Variants in STOX1 observed in about 807,000 individuals in gnomAD.
STOX1 encodes storkhead-box protein 1.
STOX1 carries 57 observed loss-of-function variants against 74.8 expected under a neutral mutation model. The observed-to-expected ratio is 0.76, with a 90% CI of 0.62 to 0.95. The LOEUF is 0.95. Among genes scored for constraint, STOX1 ranks in the 40% least tolerant of loss-of-function variants. The pLI, the probability that STOX1 is intolerant of heterozygous loss-of-function variation, is 0.00. For synonymous variants in STOX1, 375 were observed against 401.3 expected (o/e 0.93, Z 0.78); for missense variants, 1,010 against 1,117.0 (o/e 0.90, Z 1.37).
Position 68,885,041 on chromosome 10 carries a change from G to T in STOX1, c.1245G>T (p.Arg415Ser). 6.2e-7 allele frequency: 1 copy of T among 1,614,154 alleles called. No individual in the cohort carries two copies. Among genetic ancestry groups the T allele is most frequent in the Non-Finnish European group, 8.5e-7 (1 of 1,180,034 alleles). The change falls in exon 3 of 4, where the codon AGG becomes AGT. Residue 415 changes from arginine to serine, a missense_variant. Transcript: ENST00000298596. ...CTTCAAAAGAGGGGGTTAAGAAAAG[G>T]CAGGGTCTGTCTGCAAAACCTCAAG... ...KYPSKEGVKK[R>S]QGLSAKPQGQ...
At chr10:68,871,921 A>G (rs1315898295) in intron 1 of STOX1, among the ~76,000 whole-genome samples, 3 of 152,256 alleles carry the variant, frequency 2.0e-5, no homozygotes, top group Admixed American at 6.5e-5. Context: ...TTAATGTTAA[A>G]AACATTTGGT....
intron 1 of STOX1, among the ~76,000 whole-genome samples, chr10:68,843,540 TTTGTTG>T (rs944406696): frequency 5.3e-5 from 8 of 151,874 alleles, no homozygotes; most frequent in African/African-American, 1.9e-4. Context: ...TACCGGTTTT[TTTGTTG>T]TTGTTGTTGT....
chr10:68,837,535 A>G (rs974290023), intron 1 of STOX1, among the ~76,000 whole-genome samples: 5 of 152,266 alleles, frequency 3.3e-5, no homozygotes, highest in African/African-American at 1.2e-4. Flanking sequence ...TCCTGTTTAC[A>G]TGATATACAT....
intron 1 of STOX1, among the ~76,000 whole-genome samples, chr10:68,844,727 G>T (rs1564571860): frequency 6.6e-6 from 1 of 152,006 alleles, no homozygotes; most frequent in African/African-American, 2.4e-5. Context: ...TTTTGCAAAT[G>T]TTTTTTCCCA....
chr10:68,877,153 A>C (rs968342081), intron 1 of STOX1, among the ~76,000 whole-genome samples: 3 of 152,196 alleles, frequency 2.0e-5, no homozygotes, highest in African/African-American at 7.2e-5. Flanking sequence ...GGCGAATAGC[A>C]ATTAACGGTG....
intron 1 of STOX1, among the ~76,000 whole-genome samples, chr10:68,880,350 A>C (rs2131989848): frequency 6.6e-6 from 1 of 151,660 alleles, no homozygotes; most frequent in South Asian, 2.1e-4. Flanking sequence ...TAATTTTTAA[A>C]ATTTTTATCT....
At position 68,890,065 on chromosome 10, in the gene STOX1, A is replaced by G. The variant is rs1053124620; in HGVS notation, c.2823-2524A>G. On this transcript the variant is annotated intron_variant, in intron 3 of 3. Transcript: ENST00000298596. Reference sequence around the variant, plus strand: ...TGGCCTCCCTGGTCTCAAGTGATCCACCCACCTTGGCTGGGATTACAGGCG... The same window carrying G: ...TGGCCTCCCTGGTCTCAAGTGATCCGCCCACCTTGGCTGGGATTACAGGCG... 6.5e-4 allele frequency among the ~76,000 whole-genome samples: 97 copies of G among 148,918 alleles called. 2 individuals are homozygous for G. Among genetic ancestry groups the G allele is most frequent in the Non-Finnish European group, 1.0e-4 (7 of 67,342 alleles).
intron 1 of STOX1, among the ~76,000 whole-genome samples, chr10:68,837,544 A>G (rs2133497954): frequency 6.6e-6 from 1 of 152,374 alleles, no homozygotes; most frequent in South Asian, 2.1e-4. Context: ...CATGATATAC[A>G]TGGCAGATAC....
At chr10:68,866,987 C>A (rs1840425830) in intron 1 of STOX1, among the ~76,000 whole-genome samples, 1 of 143,960 alleles carries the variant, frequency 6.9e-6, no homozygotes, top group Admixed American at 7.4e-5. Flanking sequence ...GCTCTGTCAC[C>A]CAGGCTGGAG....
rs16925882 is a variant in STOX1, at chr10:68,885,502, C to A, written c.1706C>A (p.Pro569His). The A allele has an allele frequency of 4.5e-4, 720 of 1,614,152 alleles. No homozygotes were observed. The African/African-American group carries it at 7.7e-3, about 17-fold the overall frequency. ...MEAESIYIND[P>H]TVKPINDDFR... ...GCAGAATCCATTTACATAAATGACC[C>A]TACTGTCAAACCCATCAATGATGAC... Residue 569 changes from proline to histidine, a missense_variant, in exon 3 of 4, where the codon CCT (proline) becomes CAT (histidine). Coordinates refer to ENST00000298596, the MANE Select transcript of STOX1 (RefSeq NM_152709.5).
At chr10:68,846,434 G>A (rs1273831779) in intron 1 of STOX1, among the ~76,000 whole-genome samples, 1 of 152,190 alleles carries the variant, frequency 6.6e-6, no homozygotes, top group African/African-American at 2.4e-5. Context: ...ACAGGCATGA[G>A]CTACCACTCT....
chr10:68,863,368 G>A (rs908484855), intron 1 of STOX1, among the ~76,000 whole-genome samples: 1 of 151,862 alleles, frequency 6.6e-6, no homozygotes, highest in African/African-American at 2.4e-5. Context: ...CAGGTTCTTC[G>A]GGATCCTCCC....
intron 1 of STOX1, among the ~76,000 whole-genome samples, chr10:68,859,211 C>T (rs1230638943): frequency 6.6e-6 from 1 of 152,154 alleles, no homozygotes; most frequent in Non-Finnish European, 1.5e-5. Context: ...TTTCACAAGA[C>T]TTCCTTTCAG....
At chr10:68,835,476 C>G (rs1352064069) in intron 1 of STOX1, among the ~76,000 whole-genome samples, 2 of 152,188 alleles carry the variant, frequency 1.3e-5, no homozygotes, top group African/African-American at 4.8e-5. Context: ...GCACCCATCA[C>G]CACATCTGGC....
At chr10:68,857,003 C>T (rs1253737556) in intron 1 of STOX1, among the ~76,000 whole-genome samples, 3 of 152,084 alleles carry the variant, frequency 2.0e-5, no homozygotes, top group African/African-American at 4.8e-5. Flanking sequence ...TCTGTCTCTT[C>T]CAGTAAACCA....
intron 1 of STOX1, among the ~76,000 whole-genome samples, chr10:68,832,255 GA>G (rs571391702): frequency 2.4e-4 from 36 of 152,230 alleles, no homozygotes; most frequent in African/African-American, 7.9e-4. Flanking sequence ...AACGGGACAG[GA>G]AAGATTAACG....
At chr10:68,891,508 G>A (rs1021594436) in intron 3 of STOX1, among the ~76,000 whole-genome samples, 3 of 151,994 alleles carry the variant, frequency 2.0e-5, no homozygotes, top group Non-Finnish European at 2.9e-5. Flanking sequence ...AGGGAATGTC[G>A]AAAAGCAAAA....
intron 2 of STOX1, among the ~76,000 whole-genome samples, chr10:68,883,018 C>T (rs1338721352): frequency 7.2e-5 from 11 of 152,136 alleles, no homozygotes; most frequent in Admixed American, 7.2e-4. Context: ...CCTCAGCCTC[C>T]CAAGTAGCTG....
chr10:68,875,188 T>C (rs1202347482), intron 1 of STOX1, among the ~76,000 whole-genome samples: 1 of 152,228 alleles, frequency 6.6e-6, no homozygotes, highest in African/African-American at 2.4e-5. Flanking sequence ...ATCCCTCGGC[T>C]TGTGATCCTC....
Sources: gnomAD v4.1 joint callset for allele counts (sites outside exome capture counted in the v4.1 genomes callset) on GRCh38, gnomAD v4.1.1 for gene constraint, MANE v1.5 for transcripts, NCBI Gene and HGNC (gene_info 2026-07-23, HGNC 2026-07-21) for gene names.